The following PRKG1 variants were observed in gnomAD, a reference collection of about 807,000 sequenced individuals.
The protein encoded by PRKG1 is protein kinase cGMP-dependent 1.
In PRKG1, 35 loss-of-function variants were observed where a neutral mutation model predicts 88.1. That is an observed-to-expected ratio of 0.40 (90% CI 0.30 to 0.53). The LOEUF (loss-of-function observed/expected upper bound fraction) is 0.53. Ranked by LOEUF, PRKG1 falls within the 20% of genes least tolerant of loss-of-function variation. The probability of loss-of-function intolerance (pLI) is 0.59; values close to 1 mark genes in which losing one functional copy is unlikely to be tolerated. For missense variants in PRKG1, 540 were observed against 839.8 expected (o/e 0.64, Z 4.41); for synonymous variants, 303 against 292.5 (o/e 1.04, Z -0.37).
intron 7 of PRKG1, among the ~76,000 whole-genome samples, chr10:52,065,302 C>T (rs918725531): frequency 3.9e-5 from 6 of 152,036 alleles, no homozygotes; most frequent in East Asian, 1.9e-4. Flanking sequence ...ATTTTTCTAT[C>T]GAATTTCAGG....
intron 2 of PRKG1, among the ~76,000 whole-genome samples, chr10:51,318,246 G>T (rs1437165970): frequency 6.6e-6 from 1 of 152,206 alleles, no homozygotes; most frequent in South Asian, 2.1e-4. Flanking sequence ...TGGCAGTCAA[G>T]GTCCTCTTCC....
chr10:51,657,340 A>G lies in PRKG1; in HGVS notation c.593-147245A>G, dbSNP rs184728372. The stretch of plus-strand genomic sequence containing the variant: ...CCGTAACAACAGAAAAATTATTCTC[A>G]TGATAAAAATCATTTTGTTTTCAGA... On this transcript the variant is annotated intron_variant, in intron 3 of 17. Coordinates refer to ENST00000373980, the MANE Select transcript of PRKG1 (RefSeq NM_006258.4). Among the ~76,000 whole-genome samples, 538 of 152,272 alleles carry G rather than the reference A, an allele frequency of 3.5e-3. 4 individuals are homozygous for G. Among genetic ancestry groups the G allele is most frequent in the Middle Eastern group, 0.021 (6 of 292 alleles).
intron 3 of PRKG1, among the ~76,000 whole-genome samples, chr10:51,607,772 T>C (rs1487720914): frequency 1.3e-5 from 2 of 152,234 alleles, no homozygotes; most frequent in African/African-American, 4.8e-5. Context: ...TGTTGGTCTT[T>C]GTATTCTGGT....
chr10:51,923,397 G>C (rs1038535006), intron 5 of PRKG1, among the ~76,000 whole-genome samples: 1 of 151,138 alleles, frequency 6.6e-6, no homozygotes, highest in South Asian at 2.1e-4. Flanking sequence ...AGTAGTTATA[G>C]ATAATTTGAA....
intron 2 of PRKG1, among the ~76,000 whole-genome samples, chr10:51,350,543 ATT>A (rs1290178348): frequency 5.3e-5 from 8 of 152,226 alleles, no homozygotes; most frequent in Non-Finnish European, 8.8e-5. Flanking sequence ...CACTTTCAGC[ATT>A]GTTACTCAAC....
At chr10:51,906,864 T>G (rs2132944914) in intron 4 of PRKG1, among the ~76,000 whole-genome samples, 1 of 152,318 alleles carries the variant, frequency 6.6e-6, no homozygotes, top group East Asian at 1.9e-4. Flanking sequence ...GGTAAAATAC[T>G]TCAATTTCTT....
chr10:51,239,506 T>C (rs1839094360), intron 2 of PRKG1, among the ~76,000 whole-genome samples: 1 of 152,172 alleles, frequency 6.6e-6, no homozygotes, highest in African/African-American at 2.4e-5. Flanking sequence ...ATTTAGGTTT[T>C]TTTGCACATT....
At chr10:51,324,973 C>A (rs1193765596) in intron 2 of PRKG1, among the ~76,000 whole-genome samples, 3 of 152,108 alleles carry the variant, frequency 2.0e-5, no homozygotes, top group African/African-American at 7.2e-5. Context: ...TCTGTAATAG[C>A]TGTACTAATT....
intron 9 of PRKG1, among the ~76,000 whole-genome samples, chr10:52,209,639 A>C (rs909374379): frequency 6.6e-6 from 1 of 152,152 alleles, no homozygotes; most frequent in Non-Finnish European, 1.5e-5. Flanking sequence ...TAATCTCATG[A>C]GGCTCACACT....
At chr10:51,628,828 G>A (rs1201116872) in intron 3 of PRKG1, among the ~76,000 whole-genome samples, 2 of 151,744 alleles carry the variant, frequency 1.3e-5, no homozygotes, top group East Asian at 2.0e-4. Flanking sequence ...GCGCGGTGGC[G>A]GGCGCCTGTG....
chr10:51,823,079 A>G (rs145897021), intron 4 of PRKG1, among the ~76,000 whole-genome samples: 1 of 152,142 alleles, frequency 6.6e-6, no homozygotes, highest in African/African-American at 2.4e-5. Context: ...AATAATATGT[A>G]TGCTTGGATA....
chr10:52,107,272 C>G (rs1034009374), intron 7 of PRKG1, among the ~76,000 whole-genome samples: 1 of 152,172 alleles, frequency 6.6e-6, no homozygotes, highest in Admixed American at 6.5e-5. Flanking sequence ...CTCAAAAATC[C>G]TCTTTTGAGA....
At chr10:51,535,393 A>G (rs1169097768) in intron 3 of PRKG1, among the ~76,000 whole-genome samples, 2 of 152,194 alleles carry the variant, frequency 1.3e-5, no homozygotes, top group East Asian at 3.8e-4. Flanking sequence ...TTTATATTTT[A>G]CCAAGCAAAC....
chr10:51,419,395 C>T (rs895680726), intron 2 of PRKG1, among the ~76,000 whole-genome samples: 2 of 152,072 alleles, frequency 1.3e-5, no homozygotes, highest in African/African-American at 4.8e-5. Flanking sequence ...ACCATGGCAA[C>T]CTCCATGGAT....
chr10:51,665,035 G>A (rs1242034969), intron 3 of PRKG1, among the ~76,000 whole-genome samples: 2 of 151,952 alleles, frequency 1.3e-5, no homozygotes, highest in African/African-American at 4.8e-5. Flanking sequence ...ATTCACAAAC[G>A]TTCTGCTATT....
intron 3 of PRKG1, among the ~76,000 whole-genome samples, chr10:51,563,979 C>G (rs1412900817): frequency 6.6e-6 from 1 of 152,138 alleles, no homozygotes; most frequent in African/African-American, 2.4e-5. Flanking sequence ...CAATCCTACT[C>G]TTTAGGTAAC....
intron 10 of PRKG1, chr10:52,253,544 A>G (rs1841233857): frequency 6.6e-6 from 1 of 151,714 alleles, no homozygotes; most frequent in Non-Finnish European, 1.5e-5. Flanking sequence ...AAAAATTTGC[A>G]TGTGTGCTCT....
chr10:51,303,064 G>T (rs936214905), intron 2 of PRKG1, among the ~76,000 whole-genome samples: 2 of 152,100 alleles, frequency 1.3e-5, no homozygotes, highest in Non-Finnish European at 2.9e-5. Context: ...ACCGGGTTAA[G>T]ATTGGTTTGA....
chr10:51,860,232 C>T (rs1937714), intron 4 of PRKG1, among the ~76,000 whole-genome samples: 1 of 151,866 alleles, frequency 6.6e-6, no homozygotes, highest in Admixed American at 6.6e-5. Context: ...AAAAAACAAC[C>T]CTCAAAGTTT....
Sources: allele counts gnomAD v4.1 joint callset (sites outside exome capture counted in the v4.1 genomes callset), GRCh38; gene constraint gnomAD v4.1.1; transcripts MANE v1.5; gene names NCBI Gene and HGNC (gene_info 2026-07-23, HGNC 2026-07-21).